RBFOX1: variants seen among roughly 807,000 people sequenced by gnomAD.
RBFOX1 encodes RNA binding protein fox-1 homolog 1.
In RBFOX1, 8 loss-of-function variants were observed where a neutral mutation model predicts 57.7. The observed-to-expected ratio is 0.14, with a 90% CI of 0.08 to 0.25. The LOEUF is 0.25. Ranked by LOEUF, RBFOX1 falls within the 10% of genes least tolerant of loss-of-function variation. The pLI, the probability that RBFOX1 is intolerant of heterozygous loss-of-function variation, is 1.00. For missense variants in RBFOX1, 611 were observed against 548.5 expected (o/e 1.11, Z -1.14); for synonymous variants, 326 against 222.4 (o/e 1.47, Z -4.15).
At chr16:6,291,729 C>A (rs938289167) in intron 1 of RBFOX1, among the ~76,000 whole-genome samples, 1 of 152,170 alleles carries the variant, frequency 6.6e-6, no homozygotes, top group Admixed American at 6.5e-5. Flanking sequence ...TCTTATCCTC[C>A]AACATGAAAA....
intron 10 of RBFOX1, among the ~76,000 whole-genome samples, chr16:7,618,357 C>G (rs1271225292): frequency 6.6e-6 from 1 of 152,104 alleles, no homozygotes; most frequent in East Asian, 1.9e-4. Flanking sequence ...GCGTGAAGCC[C>G]TGTGGTGCTG....
At chr16:6,595,318 C>CTT (rs2097766571) in intron 2 of RBFOX1, among the ~76,000 whole-genome samples, 1 of 152,248 alleles carries the variant, frequency 6.6e-6, no homozygotes, top group Non-Finnish European at 1.5e-5. Flanking sequence ...TAATATGTGG[C>CTT]CTTTCATGTC....
Position 6,631,003 on chromosome 16 carries a change from A to G in RBFOX1, c.-63-23600A>G, listed in dbSNP as rs116544040. On this transcript the variant is annotated intron_variant, in intron 2 of 15. Coordinates refer to ENST00000550418, the MANE Select transcript of RBFOX1 (RefSeq NM_018723.4). ...GGGAAGGAGGCTATACTTGGACCTA[A>G]CTCCTTGGTTGTCAACCCAGCTGGA... Among the ~76,000 whole-genome samples the G allele has an allele frequency of 9.0e-3, 1,365 of 152,200 alleles. 31 individuals are homozygous for G. The highest frequency in any genetic ancestry group is 0.03 in the African/African-American group (1,245 of 41,502).
chr16:7,118,430 G>A (rs60853986), intron 4 of RBFOX1, among the ~76,000 whole-genome samples: 9,962 of 152,062 alleles, frequency 0.066, 634 homozygotes, highest in African/African-American at 0.16. Flanking sequence ...TCAGAAGGAG[G>A]GAGGCAAGGA....
At chr16:6,500,767 C>T (rs756204664) in intron 2 of RBFOX1, among the ~76,000 whole-genome samples, 8 of 151,914 alleles carry the variant, frequency 5.3e-5, no homozygotes, top group Non-Finnish European at 8.8e-5. Flanking sequence ...ATTCTCCTCA[C>T]AAAGATTATA....
chr16:5,287,296 C>T (rs989516591), intron 1 of RBFOX1, among the ~76,000 whole-genome samples: 2 of 151,332 alleles, frequency 1.3e-5, no homozygotes, highest in African/African-American at 2.4e-5. Flanking sequence ...AGAGTGAGAC[C>T]CCGTTTCAAA....
chr16:6,780,464 A>G (rs1233941274), intron 3 of RBFOX1, among the ~76,000 whole-genome samples: 4 of 99,170 alleles, frequency 4.0e-5, no homozygotes, highest in Non-Finnish European at 1.8e-5. Context: ...TTTTATATAT[A>G]TTTATATACA....
At chr16:6,665,127 A>T (rs2098723718) in intron 3 of RBFOX1, among the ~76,000 whole-genome samples, 1 of 152,158 alleles carries the variant, frequency 6.6e-6, no homozygotes, top group Non-Finnish European at 1.5e-5. Flanking sequence ...GATGCTAAGG[A>T]CGGCAACCAC....
intron 4 of RBFOX1, among the ~76,000 whole-genome samples, chr16:7,323,211 C>G (rs1016841440): frequency 1.3e-5 from 2 of 152,084 alleles, no homozygotes; most frequent in African/African-American, 4.8e-5. Flanking sequence ...ATCACTTGAT[C>G]CCAGGAGTAC....
At chr16:5,279,168 G>A (rs916287774) in intron 1 of RBFOX1, among the ~76,000 whole-genome samples, 51 of 152,128 alleles carry the variant, frequency 3.4e-4, no homozygotes, top group South Asian at 1.7e-3. Flanking sequence ...AGATTGCTTC[G>A]GGTAGTATGG....
chr16:5,512,924 C>T (rs191651280), intron 2 of RBFOX1, among the ~76,000 whole-genome samples: 2 of 152,154 alleles, frequency 1.3e-5, no homozygotes, highest in Non-Finnish European at 1.5e-5. Context: ...TCAGACTTTC[C>T]TTGTTTTTTG....
At chr16:5,642,424 A>G (rs997776197) in intron 3 of RBFOX1, among the ~76,000 whole-genome samples, 7 of 152,310 alleles carry the variant, frequency 4.6e-5, no homozygotes, top group African/African-American at 1.7e-4. Flanking sequence ...ATTGTTGAAC[A>G]TTAATTAGGT....
intron 2 of RBFOX1, among the ~76,000 whole-genome samples, chr16:6,438,514 T>G (rs28540427): frequency 0.094 from 14,297 of 152,098 alleles, 2,028 homozygotes; most frequent in African/African-American, 0.31. Context: ...ACTTTAGACA[T>G]TGTTTGGTAG....
intron 1 of RBFOX1, among the ~76,000 whole-genome samples, chr16:6,277,844 A>G (rs538614254): frequency 6.6e-6 from 1 of 152,264 alleles, no homozygotes; most frequent in South Asian, 2.1e-4. Context: ...GGATTACTTT[A>G]GAAACTTTTG....
rs1555516558 is a variant in RBFOX1, at chr16:7,155,732, T to TATATAC, written c.27+103639_27+103640insCATATA. 1.0e-3 allele frequency among the ~76,000 whole-genome samples: 90 copies of TATATAC among 89,436 alleles called. 1 individual carries two copies. The highest frequency in any genetic ancestry group is 5.2e-3 in the African/African-American group (87 of 16,594). The allele number at this position is 89,436 out of a possible 152,430, so 58.7% of individuals were successfully genotyped here. On this transcript the variant is annotated intron_variant, in intron 4 of 15. Transcript: ENST00000550418. ...AAAAAAATATATATATATATATATA[T>TATATAC]ATATATACACACACACACACACACA...
At chr16:5,333,902 T>G (rs2064831007) in intron 1 of RBFOX1, among the ~76,000 whole-genome samples, 1 of 152,206 alleles carries the variant, frequency 6.6e-6, no homozygotes, top group Non-Finnish European at 1.5e-5. Context: ...TGGACCACCA[T>G]TGCAAGTGCA....
In RBFOX1 at chr16:6,930,934, C is replaced by CATAT. The variant is rs150999344; in HGVS notation, c.-15-121111_-15-121108dup. Among the ~76,000 whole-genome samples the CATAT allele has an allele frequency of 6.0e-5, 9 of 149,626 alleles. No homozygotes were observed. In the East Asian group the frequency reaches 1.4e-3, roughly 23 times the overall value. On this transcript the variant is annotated intron_variant, in intron 3 of 15. Coordinates refer to ENST00000550418, the MANE Select transcript of RBFOX1 (RefSeq NM_018723.4). Reference sequence around the variant, plus strand: ...TCTTCTGTGTATTTGTATGTATATTCATATATATATATATAGTATCCCACC... The same window carrying CATAT: ...TCTTCTGTGTATTTGTATGTATATTCATATATATATATATATATAGTATCCCACC...
chr16:6,941,967 A>G (rs2078613783), intron 3 of RBFOX1, among the ~76,000 whole-genome samples: 1 of 152,132 alleles, frequency 6.6e-6, no homozygotes, highest in Non-Finnish European at 1.5e-5. Context: ...AATGGCTCAC[A>G]CCTGTAATCC....
chr16:7,376,862 A>T (rs1260749052), intron 4 of RBFOX1, among the ~76,000 whole-genome samples: 1 of 152,188 alleles, frequency 6.6e-6, no homozygotes, highest in Non-Finnish European at 1.5e-5. Context: ...CTCTTGAAAC[A>T]TAAAACTTCC....
Sources: allele counts gnomAD v4.1 joint callset (sites outside exome capture counted in the v4.1 genomes callset), GRCh38; gene constraint gnomAD v4.1.1; transcripts MANE v1.5; gene names NCBI Gene and HGNC (gene_info 2026-07-23, HGNC 2026-07-21).